The following MDGA2 variants were observed in gnomAD, a reference collection of about 807,000 sequenced individuals.
MDGA2 encodes MAM domain containing glycosylphosphatidylinositol anchor 2, also known as MAM domain-containing glycosylphosphatidylinositol anchor protein 2.
MDGA2 carries 40 observed loss-of-function variants against 117.8 expected under a neutral mutation model. The ratio of observed to expected loss-of-function variants is 0.34; its 90% CI spans 0.26 to 0.44. MDGA2 has a LOEUF of 0.44. Among genes scored for constraint, MDGA2 ranks in the 20% least tolerant of loss-of-function variants. The probability of loss-of-function intolerance (pLI) is 1.00; values close to 1 mark genes in which losing one functional copy is unlikely to be tolerated. For missense variants in MDGA2, 1,123 were observed against 1,250.6 expected, an observed-to-expected ratio of 0.90 and a Z score of 1.54; for synonymous variants, 452 against 439.0, an observed-to-expected ratio of 1.03 and a Z score of -0.37.
chr14:47,263,757 A>T (rs1463391545), intron 2 of MDGA2, among the ~76,000 whole-genome samples: 1 of 152,180 alleles, frequency 6.6e-6, no homozygotes, highest in African/African-American at 2.4e-5. Flanking sequence ...TTCACTTATA[A>T]GTCAACATTT....
intron 2 of MDGA2, among the ~76,000 whole-genome samples, chr14:47,293,196 C>T (rs570701729): frequency 2.0e-5 from 3 of 152,156 alleles, no homozygotes; most frequent in Admixed American, 6.5e-5. Context: ...TAAATATGTG[C>T]TAACATTCCC....
At chr14:47,085,148 G>A (rs1466688877) in intron 6 of MDGA2, among the ~76,000 whole-genome samples, 1 of 152,016 alleles carries the variant, frequency 6.6e-6, no homozygotes, top group East Asian at 1.9e-4. Context: ...TTGCGATACA[G>A]TTAATAGTAT....
At chr14:47,333,160 T>C (rs889591887) in intron 1 of MDGA2, among the ~76,000 whole-genome samples, 4 of 151,910 alleles carry the variant, frequency 2.6e-5, no homozygotes, top group African/African-American at 7.2e-5. Flanking sequence ...ATATAACCAC[T>C]AGGGGGATTG....
Position 47,674,754 on chromosome 14 carries a change from G to C in MDGA2, c.43C>G (p.Arg15Gly). Residue 15 changes from arginine to glycine, a missense_variant, in exon 1 of 17, where the codon CGC becomes GGC. By Grantham distance (125) the Arg-to-Gly change is moderately radical (BLOSUM62 -2). Around this residue, in one of 2 missense-constraint regions of MDGA2, gnomAD observed 233 missense variants for 200.3 expected, o/e 1.16. Coordinates refer to ENST00000399232, the MANE Select transcript of MDGA2 (RefSeq NM_001113498.3). ...CGTCCGTCTGTCCTTCCCCGGCGGC[G>C]GCGGCGAGCGGAGCGCAGGAGCCCC... is the stretch of plus-strand genomic sequence containing the variant. Reference protein sequence around the residue: ...SAGLLRSARRRRRGRTDGRRF... With the variant: ...SAGLLRSARRGRRGRTDGRRF... 1.4e-6 allele frequency: 1 copy of C among 715,914 alleles called. No homozygotes were observed. 44.3% of individuals were successfully genotyped at this position (715,914 alleles called of 1,614,324 possible).
chr14:47,355,930 C>A (rs61993123), intron 1 of MDGA2, among the ~76,000 whole-genome samples: 15,263 of 152,224 alleles, frequency 0.1, 888 homozygotes, highest in Middle Eastern at 0.15. Flanking sequence ...TTTCTGCTCT[C>A]AACCATTAAG....
intron 1 of MDGA2, among the ~76,000 whole-genome samples, chr14:47,421,359 C>T (rs1892575147): frequency 6.6e-6 from 1 of 152,160 alleles, no homozygotes; most frequent in African/African-American, 2.4e-5. Flanking sequence ...AAGAATCCTG[C>T]CTTCTTTGGC....
intron 1 of MDGA2, among the ~76,000 whole-genome samples, chr14:47,536,537 A>C (rs1226897992): frequency 6.6e-6 from 1 of 152,228 alleles, no homozygotes; most frequent in African/African-American, 2.4e-5. Flanking sequence ...TGACTTGTTA[A>C]TCACACCAAT....
chr14:46,904,181 T>A (rs998638565), intron 10 of MDGA2, among the ~76,000 whole-genome samples: 1 of 151,950 alleles, frequency 6.6e-6, no homozygotes, highest in African/African-American at 2.4e-5. Flanking sequence ...CTGGCCAACA[T>A]GGTGAAAACC....
At chr14:47,158,483 C>CTTTT in intron 3 of MDGA2, among the ~76,000 whole-genome samples, 1 of 141,082 alleles carries the variant, frequency 7.1e-6, no homozygotes, top group East Asian at 2.1e-4. Context: ...TTATAGCAGC[C>CTTTT]TTTTTTTTTT....
chr14:47,443,190 A>C (rs75869984), intron 1 of MDGA2, among the ~76,000 whole-genome samples: 2,000 of 152,286 alleles, frequency 0.013, 17 homozygotes, highest in Non-Finnish European at 0.021. Flanking sequence ...GAAATTGTAA[A>C]GAGGCAAAAA....
At chr14:47,251,058 A>G (rs1042421874) in intron 2 of MDGA2, among the ~76,000 whole-genome samples, 21 of 152,216 alleles carry the variant, frequency 1.4e-4, no homozygotes, top group Non-Finnish European at 2.9e-4. Context: ...AATATAAGTC[A>G]AAGTACACTA....
intron 1 of MDGA2, among the ~76,000 whole-genome samples, chr14:47,432,484 AGAAATTTCTCCATGGAATATTTAGCT>A (rs1430268645): frequency 3.3e-5 from 5 of 152,080 alleles, no homozygotes; most frequent in Non-Finnish European, 5.9e-5. Context: ...CACATGTAGA[AGAAATTTCTCCATGGAATATTTAGCT>A]GAAATTTCTC....
In MDGA2 at chr14:46,965,834, A is replaced by AT. The variant is rs1886007254; in HGVS notation, c.1820-8192_1820-8191insA. Among the ~76,000 whole-genome samples the AT allele has an allele frequency of 2.0e-5, 3 of 152,290 alleles. No individual in the cohort carries two copies. In the South Asian group the frequency reaches 6.2e-4, roughly 32 times the overall value. On this transcript the variant is annotated intron_variant, in intron 8 of 16. Coordinates refer to ENST00000399232, the MANE Select transcript of MDGA2 (RefSeq NM_001113498.3). ...GTTTTTTATGGCATAAAATTTATTCAGAATGTTTTTATGAAGTATTCAACA... is the reference window on the plus strand; with the variant it reads ...GTTTTTTATGGCATAAAATTTATTCATGAATGTTTTTATGAAGTATTCAACA...
chr14:47,233,847 A>G (rs1343585320), intron 2 of MDGA2, among the ~76,000 whole-genome samples: 1 of 151,896 alleles, frequency 6.6e-6, no homozygotes, highest in African/African-American at 2.4e-5. Flanking sequence ...GGGAGAGAGA[A>G]CTCAAACCTT....
chr14:47,281,537 G>A (rs1163107881), intron 2 of MDGA2, among the ~76,000 whole-genome samples: 4 of 152,134 alleles, frequency 2.6e-5, no homozygotes, highest in Non-Finnish European at 5.9e-5. Flanking sequence ...GCACGTAGAG[G>A]TATATACTGT....
intron 2 of MDGA2, among the ~76,000 whole-genome samples, chr14:47,264,449 A>C (rs1887898712): frequency 6.6e-6 from 1 of 152,192 alleles, no homozygotes; most frequent in Non-Finnish European, 1.5e-5. Flanking sequence ...TTACTCAAAA[A>C]GGATACCTTT....
chr14:47,024,092 T>TA (rs1313197533), intron 8 of MDGA2, among the ~76,000 whole-genome samples: 4 of 152,120 alleles, frequency 2.6e-5, no homozygotes, highest in Non-Finnish European at 5.9e-5. Flanking sequence ...CATAGACAGA[T>TA]AGACAGGTGG....
chr14:47,186,538 G>A (rs1396345489), intron 3 of MDGA2, among the ~76,000 whole-genome samples: 1 of 151,768 alleles, frequency 6.6e-6, no homozygotes, highest in Admixed American at 6.6e-5. Flanking sequence ...TACATGCTTT[G>A]TGAAAATTAA....
At chr14:47,138,588 A>T (rs1172746369) in intron 4 of MDGA2, among the ~76,000 whole-genome samples, 1 of 152,246 alleles carries the variant, frequency 6.6e-6, no homozygotes, top group East Asian at 1.9e-4. Flanking sequence ...GAAGACATAC[A>T]ATGTATATTA....
Sources: gnomAD v4.1 joint callset for allele counts (sites outside exome capture counted in the v4.1 genomes callset) on GRCh38, gnomAD v4.1.1 for gene constraint, gnomAD v4.1.1 regional missense constraint, MANE v1.5 for transcripts, NCBI Gene and HGNC (gene_info 2026-07-23, HGNC 2026-07-21) for gene names.